The following TBCK variants were observed in gnomAD, a reference collection of about 807,000 sequenced individuals.
TBCK encodes the protein TBC domain-containing protein kinase-like protein.
Under a neutral mutation model 113.4 loss-of-function variants are expected in TBCK, and 99 were observed. The observed-to-expected ratio is 0.87, with a 90% CI of 0.74 to 1.03. The LOEUF (loss-of-function observed/expected upper bound fraction) is 1.03. Ranked by LOEUF, TBCK falls within the 50% of genes least tolerant of loss-of-function variation. TBCK has a pLI of 0.00. For synonymous variants in TBCK, 369 were observed against 370.8 expected (o/e 1.00, Z 0.05); for missense variants, 1,045 against 1,061.3 (o/e 0.98, Z 0.21).
intron 24 of TBCK, among the ~76,000 whole-genome samples, chr4:106,105,268 C>G (rs1742009669): frequency 6.6e-6 from 1 of 152,224 alleles, no homozygotes; most frequent in Non-Finnish European, 1.5e-5. Flanking sequence ...ACAGAACAAA[C>G]CTCCATTTTG....
intron 23 of TBCK, among the ~76,000 whole-genome samples, chr4:106,150,199 A>G (rs1437415695): frequency 6.6e-6 from 1 of 152,194 alleles, no homozygotes; most frequent in African/African-American, 2.4e-5. Flanking sequence ...TTCATGAAGA[A>G]AAAGTTAACT....
rs1419536885 is a variant in TBCK, at chr4:106,235,285, G to A, written c.1433C>T (p.Ala478Val). The change falls in exon 15 of 26, where the codon GCT becomes GTT. Residue 478 changes from alanine (A) to valine (V), a missense_variant. Ala to Val is a moderately conservative substitution (Grantham distance 64, BLOSUM62 0). Transcript: ENST00000394708. ...TTTCCTTACCTCAACTCCCAGAAGAGCAGCCCAGGTTAAACCTCTCATAAG... is the reference window on the plus strand; with the variant it reads ...TTTCCTTACCTCAACTCCCAGAAGAACAGCCCAGGTTAAACCTCTCATAAG... ...PPLMRGLTWA[A>V]LLGVEGAIHA... is the part of the protein sequence containing the mutation. 6.2e-7 allele frequency: 1 copy of A among 1,603,386 alleles called. No individual in the cohort carries two copies.
intron 12 of TBCK, among the ~76,000 whole-genome samples, chr4:106,237,773 T>C (rs533454932): frequency 6.6e-6 from 1 of 152,288 alleles, no homozygotes; most frequent in East Asian, 1.9e-4. Flanking sequence ...ATCTTTCATA[T>C]ATTAAAATTT....
chr4:106,081,167 A>C (rs1026434180), intron 25 of TBCK, among the ~76,000 whole-genome samples: 1 of 152,254 alleles, frequency 6.6e-6, no homozygotes, highest in South Asian at 2.1e-4. Flanking sequence ...TTGACCCAGC[A>C]ATCCTATTAC....
chr4:106,304,914 C>G (rs1767343288), intron 2 of TBCK, among the ~76,000 whole-genome samples: 1 of 152,310 alleles, frequency 6.6e-6, no homozygotes, highest in Admixed American at 6.5e-5. Flanking sequence ...GTCACTTTCT[C>G]AAATCCCAAA....
chr4:106,206,596 G>A (rs1195655007), intron 20 of TBCK, among the ~76,000 whole-genome samples: 1 of 152,052 alleles, frequency 6.6e-6, no homozygotes, highest in Non-Finnish European at 1.5e-5. Flanking sequence ...TTCTAAATAA[G>A]GTGGATATTC....
At chr4:106,098,460 A>T (rs1025400027) in intron 24 of TBCK, among the ~76,000 whole-genome samples, 8 of 152,076 alleles carry the variant, frequency 5.3e-5, no homozygotes, top group Admixed American at 3.9e-4. Flanking sequence ...ATGACATTAC[A>T]ATTTTTGGTT....
intron 23 of TBCK, among the ~76,000 whole-genome samples, chr4:106,123,092 G>T (rs1744658813): frequency 6.6e-6 from 1 of 152,182 alleles, no homozygotes; most frequent in African/African-American, 2.4e-5. Context: ...CATTGTCCCT[G>T]TTTGCAGATG....
chr4:106,253,066 G>A (rs1761604162), intron 5 of TBCK, among the ~76,000 whole-genome samples: 1 of 152,062 alleles, frequency 6.6e-6, no homozygotes, highest in Non-Finnish European at 1.5e-5. Flanking sequence ...ATCACCAAAA[G>A]TCCCTTTGTG....
intron 24 of TBCK, among the ~76,000 whole-genome samples, chr4:106,107,814 G>C (rs1451365277): frequency 6.6e-6 from 1 of 152,034 alleles, no homozygotes; most frequent in Non-Finnish European, 1.5e-5. Flanking sequence ...ATCAAGGCAT[G>C]AAAAACTATT....
rs1746876272 is a variant in TBCK at position 106,138,957 on chromosome 4, G to A, written c.2236-22579C>T. On this transcript the variant is annotated intron_variant, in intron 23 of 25. Transcript: ENST00000394708. ...AGTCAGCTGGTGACAAGAGGTCACA[G>A]TAATTTAGTTAGTAGAACTGATGTT... is the stretch of plus-strand genomic sequence containing the variant. 2.1e-5 allele frequency among the ~76,000 whole-genome samples: 3 copies of A among 141,340 alleles called. 1 individual carries two copies. Among genetic ancestry groups the A allele is most frequent in the Admixed American group, 7.0e-5 (1 of 14,360 alleles). The allele number at this position is 141,340 out of a possible 152,430, so 92.7% of individuals were successfully genotyped here.
At chr4:106,260,305 T>C in intron 5 of TBCK, 132 bp downstream of exon 5, 2 of 391,554 alleles carry the variant, frequency 5.1e-6, no homozygotes, top group Non-Finnish European at 9.2e-6. Context: ...TATGGAAAAT[T>C]GAGATGCATT....
intron 22 of TBCK, among the ~76,000 whole-genome samples, chr4:106,184,898 T>C (rs377309379): frequency 7.9e-5 from 12 of 152,240 alleles, no homozygotes; most frequent in African/African-American, 2.9e-4. Flanking sequence ...TTAACATAGT[T>C]GTCTTAATGA....
intron 3 of TBCK, 87 bp from the exon 4 acceptor site, chr4:106,262,299 T>A: frequency 1.6e-6 from 1 of 641,156 alleles, no homozygotes; most frequent in Admixed American, 3.0e-5. Flanking sequence ...AGTGAAAATA[T>A]TCAAAAAGTT....
At chr4:106,312,439 T>A (rs1768301968) in intron 1 of TBCK, among the ~76,000 whole-genome samples, 1 of 151,158 alleles carries the variant, frequency 6.6e-6, no homozygotes, top group Non-Finnish European at 1.5e-5. Context: ...ATGGCTAAAA[T>A]TTAAATGACT....
At chr4:106,063,339 A>G (rs1029736066) in intron 25 of TBCK, among the ~76,000 whole-genome samples, 2 of 151,974 alleles carry the variant, frequency 1.3e-5, no homozygotes, top group Non-Finnish European at 2.9e-5. Flanking sequence ...CTTAAGGTAT[A>G]AAGAGGTCTA....
At chr4:106,062,523 C>T (rs1481605879) in intron 25 of TBCK, among the ~76,000 whole-genome samples, 1 of 151,844 alleles carries the variant, frequency 6.6e-6, no homozygotes, top group African/African-American at 2.4e-5. Flanking sequence ...GTACGCTATG[C>T]CCTGAAAAGA....
In TBCK at chr4:106,045,666, C is replaced by T. The variant is rs1023217669; in HGVS notation, c.*904G>A. ...GAGTGTGCTTCGCTTCTTTTCCTTT[C>T]TTTTCTTCTTTCCTCCCTCCTTCTT... On this transcript the variant is annotated 3_prime_UTR_variant, in exon 26 of 26. Transcript: ENST00000394708. The T allele has an allele frequency of 6.6e-6, 1 of 152,182 alleles. No individual in the cohort carries two copies. Among genetic ancestry groups the T allele is most frequent in the Non-Finnish European group, 1.5e-5 (1 of 68,096 alleles). 9.4% of individuals were successfully genotyped at this position (152,182 alleles called of 1,614,324 possible).
chr4:106,108,174 T>C (rs1742400151), intron 24 of TBCK, among the ~76,000 whole-genome samples: 2 of 152,114 alleles, frequency 1.3e-5, no homozygotes, highest in South Asian at 2.1e-4. Context: ...TTCTACCAGA[T>C]GTACAAGGAA....
Sources: allele counts gnomAD v4.1 joint callset (sites outside exome capture counted in the v4.1 genomes callset), GRCh38; gene constraint gnomAD v4.1.1; transcripts MANE v1.5; gene names NCBI Gene and HGNC (gene_info 2026-07-23, HGNC 2026-07-21).